The following SUCLG2 variants were observed in gnomAD, a reference collection of about 807,000 sequenced individuals.
SUCLG2 encodes the protein succinate--CoA ligase [GDP-forming] subunit beta, mitochondrial.
A neutral mutation model predicts 47.9 loss-of-function variants in SUCLG2; 42 were observed. That is an observed-to-expected ratio of 0.88 (90% CI 0.69 to 1.14). The LOEUF (loss-of-function observed/expected upper bound fraction) is 1.14, where lower values mean the gene tolerates loss of function less well. Among genes scored for constraint, SUCLG2 ranks in the 50% most tolerant of loss-of-function variants. The probability of loss-of-function intolerance (pLI) is 0.00; values close to 1 mark genes in which losing one functional copy is unlikely to be tolerated. For synonymous variants in SUCLG2, 195 were observed against 197.3 expected, an observed-to-expected ratio of 0.99 and a Z score of 0.10; for missense variants, 571 against 525.9, an observed-to-expected ratio of 1.09 and a Z score of -0.84.
intron 2 of SUCLG2, among the ~76,000 whole-genome samples, chr3:67,591,620 G>A (rs1459915442): frequency 6.6e-6 from 1 of 152,006 alleles, no homozygotes; most frequent in Non-Finnish European, 1.5e-5. Context: ...CATGTAAGAA[G>A]TGCCTTTCAC....
intron 2 of SUCLG2, among the ~76,000 whole-genome samples, chr3:67,602,935 T>C (rs1037971721): frequency 2.6e-5 from 4 of 151,650 alleles, no homozygotes; most frequent in Non-Finnish European, 4.4e-5. Context: ...GGCAGGACAA[T>C]CAGACTTAAA....
At chr3:67,460,821 A>C (rs575776721) in intron 9 of SUCLG2, among the ~76,000 whole-genome samples, 2 of 152,330 alleles carry the variant, frequency 1.3e-5, no homozygotes, top group South Asian at 2.1e-4. Context: ...AAAACTATAC[A>C]GTAAAGAAGA....
rs536963234 is a variant in SUCLG2, at chr3:67,396,349, G to A, written c.1183+4382C>T. 7.2e-5 allele frequency among the ~76,000 whole-genome samples: 11 copies of A among 152,088 alleles called. 1 individual carries two copies. In the East Asian group the frequency reaches 7.7e-4, roughly 11 times the overall value. On this transcript the variant is annotated intron_variant, in intron 10 of 10. Coordinates refer to ENST00000307227, the MANE Select transcript of SUCLG2 (RefSeq NM_003848.4). Reference sequence around the variant, plus strand: ...AAATGATAAGGGGGATATCACCACCGATCCCACAGAAATACAAACTACCAT... The same window carrying A: ...AAATGATAAGGGGGATATCACCACCAATCCCACAGAAATACAAACTACCAT...
chr3:67,520,534 C>G lies in SUCLG2; in HGVS notation c.518G>C (p.Gly173Ala). ...AGCCACCTCTTCAATGTCGACGCCC[C>G]CCTGGGGGCTGCCCACCAGCACGGG... ...NGPVLVGSPQ[G>A]GVDIEEVAAS... Residue 173 changes from glycine (G) to alanine (A), a missense_variant, in exon 5 of 11, where the codon GGG (glycine) becomes GCG (alanine). By Grantham distance (60) the Gly-to-Ala change is moderately conservative. Coordinates refer to ENST00000307227, the MANE Select transcript of SUCLG2 (RefSeq NM_003848.4). 1 of 1,614,178 alleles carries G rather than the reference C, an allele frequency of 6.2e-7. No individual in the cohort carries two copies. Among genetic ancestry groups the G allele is most frequent in the Non-Finnish European group, 8.5e-7 (1 of 1,180,010 alleles).
chr3:67,519,149 TC>T (rs1388062114), intron 5 of SUCLG2, among the ~76,000 whole-genome samples: 3 of 152,050 alleles, frequency 2.0e-5, no homozygotes, highest in Non-Finnish European at 4.4e-5. Context: ...TTTCTCTGGG[TC>T]CCCCGGTTTT....
At chr3:67,531,121 C>A (rs888876128) in intron 2 of SUCLG2, among the ~76,000 whole-genome samples, 1 of 152,104 alleles carries the variant, frequency 6.6e-6, no homozygotes, top group Non-Finnish European at 1.5e-5. Context: ...CAGTAAAGTG[C>A]CTGGCACATT....
chr3:67,536,078 G>A (rs1265678364), intron 2 of SUCLG2, among the ~76,000 whole-genome samples: 2 of 152,282 alleles, frequency 1.3e-5, no homozygotes, highest in African/African-American at 2.4e-5. Flanking sequence ...TTGACATTAA[G>A]GGGATTCTCT....
intron 9 of SUCLG2, among the ~76,000 whole-genome samples, chr3:67,458,405 T>G (rs1704241245): frequency 6.6e-6 from 1 of 152,104 alleles, no homozygotes; most frequent in Admixed American, 6.5e-5. Context: ...CTATAATAAG[T>G]CGAGGGGGTA....
chr3:67,545,942 C>T (rs1277626441), intron 2 of SUCLG2, among the ~76,000 whole-genome samples: 2 of 152,212 alleles, frequency 1.3e-5, no homozygotes, highest in Admixed American at 1.3e-4. Flanking sequence ...CCACTTAAAT[C>T]CCTGTGAATT....
At chr3:67,479,075 T>C (rs1184051052) in intron 9 of SUCLG2, among the ~76,000 whole-genome samples, 5 of 152,150 alleles carry the variant, frequency 3.3e-5, no homozygotes, top group African/African-American at 1.2e-4. Context: ...GACATGAACA[T>C]CCAATAACAT....
chr3:67,623,890 C>A (rs958313247), intron 1 of SUCLG2, among the ~76,000 whole-genome samples: 3 of 152,144 alleles, frequency 2.0e-5, no homozygotes, highest in African/African-American at 7.2e-5. Flanking sequence ...CGTGCACATT[C>A]ACCATCACCA....
intron 6 of SUCLG2, 88 bp from the exon 7 acceptor site, chr3:67,508,991 G>T: frequency 1.1e-6 from 1 of 920,302 alleles, no homozygotes; most frequent in Non-Finnish European, 1.7e-6. Context: ...AAAATAGCAA[G>T]TTATGTCTTT....
intron 9 of SUCLG2, chr3:67,408,806 G>A (rs1702872105): frequency 1.4e-6 from 2 of 1,379,750 alleles, no homozygotes; most frequent in Non-Finnish European, 1.9e-6. Flanking sequence ...AACTCAATGA[G>A]CTTAAACATC....
chr3:67,546,725 A>T lies in SUCLG2; in HGVS notation c.227-17539T>A, dbSNP rs1391834270. Among the ~76,000 whole-genome samples, 9 of 152,008 alleles carry T rather than the reference A, an allele frequency of 5.9e-5. No individual in the cohort carries two copies. In the East Asian group the frequency reaches 1.7e-3, roughly 29 times the overall value. On this transcript the variant is annotated intron_variant, in intron 2 of 10. Coordinates refer to ENST00000307227, the MANE Select transcript of SUCLG2 (RefSeq NM_003848.4). ...ACTCCAGCCTGGGCCACAGAGTAAG[A>T]CTCTGTCTCAAAACAAACAAACAAA...
intron 10 of SUCLG2, among the ~76,000 whole-genome samples, chr3:67,361,109 C>A (rs1202018136): frequency 6.6e-6 from 1 of 151,830 alleles, no homozygotes; most frequent in Non-Finnish European, 1.5e-5. Context: ...AGAGACTAGA[C>A]CAGAAGTCTG....
At chr3:67,646,380 A>C (rs1701192272) in intron 1 of SUCLG2, among the ~76,000 whole-genome samples, 1 of 152,188 alleles carries the variant, frequency 6.6e-6, no homozygotes, top group African/African-American at 2.4e-5. Context: ...GGACCACCTG[A>C]GGTCAGGAGT....
At chr3:67,479,703 G>A (rs188453439) in intron 9 of SUCLG2, among the ~76,000 whole-genome samples, 125 of 152,312 alleles carry the variant, frequency 8.2e-4, no homozygotes, top group African/African-American at 2.7e-3. Flanking sequence ...AGCAGTTGAT[G>A]GTAACTTAAC....
At chr3:67,652,878 A>G (rs1701311756) in intron 1 of SUCLG2, among the ~76,000 whole-genome samples, 1 of 152,228 alleles carries the variant, frequency 6.6e-6, no homozygotes, top group South Asian at 2.1e-4. Context: ...GTTCTTGGAC[A>G]CTGTGTACCT....
intron 9 of SUCLG2, among the ~76,000 whole-genome samples, chr3:67,451,005 G>A (rs934093565): frequency 2.0e-5 from 3 of 152,258 alleles, no homozygotes; most frequent in Non-Finnish European, 4.4e-5. Context: ...AATTTCACTT[G>A]CTTATCTCAT....
Sources: allele counts gnomAD v4.1 joint callset (sites outside exome capture counted in the v4.1 genomes callset), GRCh38; gene constraint gnomAD v4.1.1; transcripts MANE v1.5; gene names NCBI Gene and HGNC (gene_info 2026-07-23, HGNC 2026-07-21).